MSRA: variants seen among roughly 807,000 people sequenced by gnomAD.
The protein encoded by MSRA is methionine sulfoxide reductase A, also known as mitochondrial peptide methionine sulfoxide reductase.
MSRA carries 54 observed loss-of-function variants against 31.3 expected under a neutral mutation model. That is an observed-to-expected ratio of 1.73 (90% confidence interval 1.39 to 2.17). The LOEUF is 2.17. MSRA is among the 30% of genes most tolerant of loss of function. The pLI is 0.00. For synonymous variants in MSRA, 169 were observed against 116.5 expected (o/e 1.45, Z -2.90); for missense variants, 507 against 300.9 (o/e 1.69, Z -5.07).
chr8:10,065,528 GGA>G (rs1797412778), intron 1 of MSRA, among the ~76,000 whole-genome samples: 1 of 152,204 alleles, frequency 6.6e-6, no homozygotes, highest in African/African-American at 2.4e-5. Context: ...GTAGTTTTGG[GGA>G]GACACACACC....
chr8:10,192,503 G>C (rs1807596522), intron 1 of MSRA, among the ~76,000 whole-genome samples: 1 of 152,214 alleles, frequency 6.6e-6, no homozygotes, highest in African/African-American at 2.4e-5. Context: ...TTAACTTAAA[G>C]TGTACCTTGC....
At chr8:10,234,780 T>C (rs1374515687) in intron 2 of MSRA, among the ~76,000 whole-genome samples, 2 of 151,930 alleles carry the variant, frequency 1.3e-5, no homozygotes, top group African/African-American at 4.8e-5. Flanking sequence ...AAAAAGGTAA[T>C]GTAGGTATCT....
At chr8:10,305,477 G>A (rs1173760703) in intron 4 of MSRA, among the ~76,000 whole-genome samples, 5 of 146,352 alleles carry the variant, frequency 3.4e-5, no homozygotes, top group East Asian at 2.0e-4. Context: ...ACCGTGGTGT[G>A]ATCTTGGCTC....
chr8:10,420,262 T>C (rs767499891), intron 5 of MSRA, among the ~76,000 whole-genome samples: 4 of 151,880 alleles, frequency 2.6e-5, no homozygotes, highest in Non-Finnish European at 4.4e-5. Flanking sequence ...GAATGGGGGT[T>C]GCCCGGGGCT....
At chr8:10,075,331 C>T (rs1363128816) in intron 1 of MSRA, among the ~76,000 whole-genome samples, 3 of 152,174 alleles carry the variant, frequency 2.0e-5, no homozygotes, top group African/African-American at 7.2e-5. Context: ...TAGTATAATT[C>T]AGGCCAATAG....
chr8:10,375,369 T>A (rs911076858), intron 5 of MSRA, among the ~76,000 whole-genome samples: 4 of 152,208 alleles, frequency 2.6e-5, no homozygotes, highest in African/African-American at 9.7e-5. Flanking sequence ...GCCCTGAAGG[T>A]AGATGAAGAA....
intron 3 of MSRA, among the ~76,000 whole-genome samples, chr8:10,252,323 G>T (rs1011130809): frequency 6.6e-6 from 1 of 152,206 alleles, no homozygotes; most frequent in Non-Finnish European, 1.5e-5. Context: ...CAAGGATTCA[G>T]AGTAGGGGTG....
At chr8:10,308,155 A>G (rs994685338) in intron 4 of MSRA, among the ~76,000 whole-genome samples, 1 of 152,210 alleles carries the variant, frequency 6.6e-6, no homozygotes, top group African/African-American at 2.4e-5. Context: ...ACTCTTGTTT[A>G]AAGTACTGCT....
At chr8:10,061,069 G>T (rs1191656075) in intron 1 of MSRA, among the ~76,000 whole-genome samples, 1 of 152,164 alleles carries the variant, frequency 6.6e-6, no homozygotes, top group Admixed American at 6.5e-5. Flanking sequence ...TTTACAACCT[G>T]TTCCAGAACG....
At chr8:10,262,566 G>T (rs1341603379) in intron 3 of MSRA, among the ~76,000 whole-genome samples, 1 of 152,038 alleles carries the variant, frequency 6.6e-6, no homozygotes, top group African/African-American at 2.4e-5. Flanking sequence ...TTTTATTTGG[G>T]TTGTTGTTTT....
intron 1 of MSRA, chr8:10,095,836 T>C: frequency 7.2e-6 from 9 of 1,254,152 alleles, no homozygotes; most frequent in Non-Finnish European, 9.1e-6. Flanking sequence ...AAAACGAAGC[T>C]TCCATAGTGT....
chr8:10,105,911 G>A (rs963670490), intron 1 of MSRA, among the ~76,000 whole-genome samples: 2 of 152,172 alleles, frequency 1.3e-5, no homozygotes, highest in African/African-American at 4.8e-5. Flanking sequence ...GAAACCAGGA[G>A]GACCAGGCGG....
chr8:10,141,641 A>G (rs139772002), intron 1 of MSRA, among the ~76,000 whole-genome samples: 104 of 152,160 alleles, frequency 6.8e-4, no homozygotes, highest in African/African-American at 2.0e-3. Flanking sequence ...AATGCAGTCA[A>G]TGCTGTAGTA....
At chr8:10,291,261 A>T (rs1405978957) in intron 3 of MSRA, among the ~76,000 whole-genome samples, 2 of 152,194 alleles carry the variant, frequency 1.3e-5, no homozygotes, top group Admixed American at 6.5e-5. Context: ...ACAGCAGAGG[A>T]TCATAAATTC....
chr8:10,147,197 A>G (rs1336185880), intron 1 of MSRA, among the ~76,000 whole-genome samples: 2 of 152,178 alleles, frequency 1.3e-5, no homozygotes, highest in Non-Finnish European at 2.9e-5. Flanking sequence ...GAGCCAGAGT[A>G]GATGAGAAGG....
chr8:10,408,521 CAG>C (rs1306628769), intron 5 of MSRA, among the ~76,000 whole-genome samples: 4 of 152,092 alleles, frequency 2.6e-5, no homozygotes, highest in African/African-American at 9.7e-5. Flanking sequence ...GCCTGGGCAA[CAG>C]AGCAACACCG....
At chr8:10,372,927 C>A (rs1805558153) in intron 5 of MSRA, among the ~76,000 whole-genome samples, 1 of 152,238 alleles carries the variant, frequency 6.6e-6, no homozygotes, top group African/African-American at 2.4e-5. Flanking sequence ...CTTGCTCTGT[C>A]ACCCAGGATG....
intron 1 of MSRA, among the ~76,000 whole-genome samples, chr8:10,058,020 G>T (rs749250060): frequency 6.6e-6 from 1 of 152,212 alleles, no homozygotes; most frequent in Non-Finnish European, 1.5e-5. Context: ...GTGGGATCAG[G>T]TGTTTGGGAT....
chr8:10,153,394 A>G (rs1181139180), intron 1 of MSRA, among the ~76,000 whole-genome samples: 1 of 151,840 alleles, frequency 6.6e-6, no homozygotes, highest in East Asian at 1.9e-4. Context: ...TGCCTGCTGT[A>G]TACTTTCTTC....
Sources: allele counts gnomAD v4.1 joint callset (sites outside exome capture counted in the v4.1 genomes callset), GRCh38; gene constraint gnomAD v4.1.1; transcripts MANE v1.5; gene names NCBI Gene and HGNC (gene_info 2026-07-23, HGNC 2026-07-21).